Variants in ARHGAP15 observed in about 807,000 individuals in gnomAD.
ARHGAP15 encodes rho GTPase-activating protein 15.
A neutral mutation model predicts 63.7 loss-of-function variants in ARHGAP15; 51 were observed. That is an observed-to-expected ratio of 0.80 (90% CI 0.64 to 1.01). The LOEUF (loss-of-function observed/expected upper bound fraction) is 1.01. Ranked by LOEUF, ARHGAP15 falls within the 50% of genes least tolerant of loss-of-function variation. The pLI is 0.00. For missense variants in ARHGAP15, 560 were observed against 564.6 expected (o/e 0.99, Z 0.08); for synonymous variants, 191 against 193.8 (o/e 0.99, Z 0.12).
intron 12 of ARHGAP15, among the ~76,000 whole-genome samples, chr2:143,644,278 G>C (rs978922352): frequency 2.0e-5 from 3 of 152,084 alleles, no homozygotes; most frequent in African/African-American, 7.2e-5. Context: ...CTGTTTGCTA[G>C]ATTCTTTTCT....
At chr2:143,332,952 C>T (rs1684611943) in intron 6 of ARHGAP15, among the ~76,000 whole-genome samples, 1 of 149,754 alleles carries the variant, frequency 6.7e-6, no homozygotes, top group Non-Finnish European at 1.5e-5. Context: ...GTCCTTAAAA[C>T]CCAGAACAGA....
chr2:143,741,777 C>G (rs1215802833), intron 13 of ARHGAP15, among the ~76,000 whole-genome samples: 1 of 152,170 alleles, frequency 6.6e-6, no homozygotes, highest in African/African-American at 2.4e-5. Flanking sequence ...AATTTCAGGA[C>G]ATCAAAAGGA....
intron 6 of ARHGAP15, among the ~76,000 whole-genome samples, chr2:143,375,025 C>A (rs144384031): frequency 6.6e-6 from 1 of 151,980 alleles, no homozygotes; most frequent in Non-Finnish European, 1.5e-5. Flanking sequence ...TAAAATAAAA[C>A]AATGAAAAAA....
intron 13 of ARHGAP15, among the ~76,000 whole-genome samples, chr2:143,748,225 C>T (rs1391818681): frequency 6.6e-6 from 1 of 152,114 alleles, no homozygotes; most frequent in Non-Finnish European, 1.5e-5. Flanking sequence ...GCCTTTTTCT[C>T]TCTTCTTTGG....
At chr2:143,273,688 C>T (rs559046579) in intron 6 of ARHGAP15, among the ~76,000 whole-genome samples, 1 of 152,124 alleles carries the variant, frequency 6.6e-6, no homozygotes, top group East Asian at 1.9e-4. Context: ...TTTATTTGTA[C>T]AATTTTTTAA....
At chr2:143,131,679 C>T (rs1439585268) in intron 1 of ARHGAP15, among the ~76,000 whole-genome samples, 6 of 152,186 alleles carry the variant, frequency 3.9e-5, no homozygotes, top group South Asian at 4.1e-4. Flanking sequence ...AAATAATCCA[C>T]GCTTATAGGA....
intron 6 of ARHGAP15, among the ~76,000 whole-genome samples, chr2:143,425,699 C>G (rs1033433758): frequency 1.3e-5 from 2 of 152,018 alleles, no homozygotes; most frequent in East Asian, 3.9e-4. Context: ...TTAAGCCTCT[C>G]ATTCATGGAA....
chr2:143,207,027 T>C (rs1692357257), intron 3 of ARHGAP15, among the ~76,000 whole-genome samples: 1 of 151,406 alleles, frequency 6.6e-6, no homozygotes, highest in Non-Finnish European at 1.5e-5. Flanking sequence ...ATAATATATA[T>C]AAAATCCAAA....
At chr2:143,187,379 G>A (rs1320029362) in intron 2 of ARHGAP15, among the ~76,000 whole-genome samples, 2 of 152,188 alleles carry the variant, frequency 1.3e-5, no homozygotes, top group Non-Finnish European at 2.9e-5. Flanking sequence ...TCAATCTGAA[G>A]CCTTAAGAGC....
intron 12 of ARHGAP15, among the ~76,000 whole-genome samples, chr2:143,636,151 C>T (rs567568061): frequency 1.8e-4 from 28 of 152,176 alleles, no homozygotes; most frequent in Non-Finnish European, 2.4e-4. Flanking sequence ...TGCCAAGTAA[C>T]GGATGGGCAG....
At chr2:143,762,908 T>G (rs1319739414) in intron 13 of ARHGAP15, among the ~76,000 whole-genome samples, 1 of 152,162 alleles carries the variant, frequency 6.6e-6, no homozygotes, top group Non-Finnish European at 1.5e-5. Context: ...GTATATGGTT[T>G]CTGGATCAGA....
intron 13 of ARHGAP15, among the ~76,000 whole-genome samples, chr2:143,738,108 T>TTTTTTTTTTTTTTTTTTTG (rs1553535485): frequency 6.6e-6 from 1 of 151,484 alleles, no homozygotes; most frequent in African/African-American, 2.5e-5. Context: ...ATATATTTTT[T>TTTTTTTTTTTTTTTTTTTG]AACTTGGGCT....
chr2:143,637,517 G>A (rs10928191), intron 12 of ARHGAP15, among the ~76,000 whole-genome samples: 152,144 of 152,152 alleles, frequency 1, 76,068 homozygotes, highest in Middle Eastern at 1. Context: ...AACAACAGGA[G>A]CTGGGACCAA....
At chr2:143,640,406 T>A (rs35143918) in intron 12 of ARHGAP15, among the ~76,000 whole-genome samples, 1 of 152,088 alleles carries the variant, frequency 6.6e-6, no homozygotes, top group Admixed American at 6.6e-5. Flanking sequence ...CTCCAAATGT[T>A]CCTATCTGCC....
At chr2:143,456,193 A>G (rs753561584) in intron 8 of ARHGAP15, among the ~76,000 whole-genome samples, 10 of 152,130 alleles carry the variant, frequency 6.6e-5, no homozygotes, top group Non-Finnish European at 1.5e-4. Context: ...GAAAGTTCTC[A>G]GAATAGTGTC....
At chr2:143,391,455 C>T (rs1328596444) in intron 6 of ARHGAP15, among the ~76,000 whole-genome samples, 1 of 152,034 alleles carries the variant, frequency 6.6e-6, no homozygotes, top group Non-Finnish European at 1.5e-5. Flanking sequence ...CTGATTTCTA[C>T]CAAAGCATGC....
chr2:143,231,384 A>G (rs1405284408), intron 5 of ARHGAP15, among the ~76,000 whole-genome samples: 1 of 152,006 alleles, frequency 6.6e-6, no homozygotes, highest in African/African-American at 2.4e-5. Context: ...AATTCAAGAA[A>G]CTCCATCATG....
intron 11 of ARHGAP15, among the ~76,000 whole-genome samples, chr2:143,574,618 G>T (rs1696599079): frequency 6.6e-6 from 1 of 152,138 alleles, no homozygotes. Context: ...CTGCCCACTT[G>T]GTTATGACGA....
chr2:143,362,364 C>A (rs1471246429), intron 6 of ARHGAP15, among the ~76,000 whole-genome samples: 10 of 152,154 alleles, frequency 6.6e-5, no homozygotes, highest in Non-Finnish European at 1.2e-4. Context: ...TCCTAAAATA[C>A]CTTCTTCTCT....
Sources: allele counts gnomAD v4.1 joint callset (sites outside exome capture counted in the v4.1 genomes callset), GRCh38; gene constraint gnomAD v4.1.1; transcripts MANE v1.5; gene names NCBI Gene and HGNC (gene_info 2026-07-23, HGNC 2026-07-21).